LUZP2: variants seen among roughly 807,000 people sequenced by gnomAD.
The protein encoded by LUZP2 is leucine zipper protein 2.
In LUZP2, 52 loss-of-function variants were observed where a neutral mutation model predicts 51.6. That is an observed-to-expected ratio of 1.01 (90% confidence interval 0.81 to 1.27). The LOEUF is 1.27. LUZP2 is among the 50% of genes most tolerant of loss of function. LUZP2 has a pLI of 0.00. For synonymous variants in LUZP2, 154 were observed against 137.3 expected, an observed-to-expected ratio of 1.12 and a Z score of -0.85; for missense variants, 436 against 395.4, an observed-to-expected ratio of 1.10 and a Z score of -0.87.
intron 1 of LUZP2, among the ~76,000 whole-genome samples, chr11:24,672,407 T>C (rs1354149124): frequency 1.3e-5 from 2 of 152,194 alleles, no homozygotes; most frequent in Admixed American, 6.5e-5. Context: ...CAAGATAATT[T>C]ATATTTATTA....
At chr11:24,698,354 G>C (rs1234424985) in intron 1 of LUZP2, among the ~76,000 whole-genome samples, 1 of 152,152 alleles carries the variant, frequency 6.6e-6, no homozygotes, top group Non-Finnish European at 1.5e-5. Flanking sequence ...GAAAAGTGTT[G>C]CTAGGACCTT....
intron 5 of LUZP2, among the ~76,000 whole-genome samples, chr11:24,843,090 A>G (rs1851086104): frequency 6.6e-6 from 1 of 151,930 alleles, no homozygotes; most frequent in East Asian, 1.9e-4. Context: ...AAAATAAAAA[A>G]CAAGAGAATA....
chr11:24,895,319 T>C (rs1239571713), intron 5 of LUZP2, among the ~76,000 whole-genome samples: 1 of 152,056 alleles, frequency 6.6e-6, no homozygotes, highest in African/African-American at 2.4e-5. Flanking sequence ...AGTATATATA[T>C]ATAAAAAAAC....
At chr11:24,745,351 AG>A (rs1235609613) in intron 4 of LUZP2, among the ~76,000 whole-genome samples, 1 of 152,030 alleles carries the variant, frequency 6.6e-6, no homozygotes, top group Non-Finnish European at 1.5e-5. Flanking sequence ...CTCGTTTGTT[AG>A]GTCTATCGGT....
chr11:24,696,560 A>AT (rs1054309843), intron 1 of LUZP2, among the ~76,000 whole-genome samples: 102 of 152,010 alleles, frequency 6.7e-4, no homozygotes, highest in African/African-American at 2.3e-3. Flanking sequence ...ATACTCATCC[A>AT]TTTTTTCTAT....
At chr11:24,598,780 A>G (rs1381074393) in intron 1 of LUZP2, among the ~76,000 whole-genome samples, 1 of 152,186 alleles carries the variant, frequency 6.6e-6, no homozygotes, top group Non-Finnish European at 1.5e-5. Flanking sequence ...GCAAATGGAA[A>G]GGCTGCAGCT....
intron 9 of LUZP2, among the ~76,000 whole-genome samples, chr11:25,016,243 C>T (rs962177971): frequency 6.6e-6 from 1 of 151,876 alleles, no homozygotes; most frequent in African/African-American, 2.4e-5. Flanking sequence ...TTTTAATGCA[C>T]CTGCCATCCA....
At chr11:24,968,350 G>A (rs568888959) in intron 7 of LUZP2, among the ~76,000 whole-genome samples, 50 of 152,228 alleles carry the variant, frequency 3.3e-4, no homozygotes, top group African/African-American at 1.1e-3. Flanking sequence ...AAATAAAGGT[G>A]GTTGTGTTTT....
intron 9 of LUZP2, among the ~76,000 whole-genome samples, chr11:25,007,215 C>A (rs1411378089): frequency 6.6e-6 from 1 of 152,170 alleles, no homozygotes; most frequent in Non-Finnish European, 1.5e-5. Flanking sequence ...GACCCAGAAG[C>A]CCAGCCGGGT....
intron 1 of LUZP2, among the ~76,000 whole-genome samples, chr11:24,714,840 C>A (rs1480039710): frequency 6.6e-6 from 1 of 151,962 alleles, no homozygotes; most frequent in South Asian, 2.1e-4. Context: ...TGTGCACAGC[C>A]CTGATGAAGT....
chr11:24,951,099 A>G (rs2133863550), intron 7 of LUZP2, among the ~76,000 whole-genome samples: 1 of 151,658 alleles, frequency 6.6e-6, no homozygotes, highest in African/African-American at 2.4e-5. Flanking sequence ...GCCCTGAACA[A>G]CATAATAACT....
chr11:24,959,642 A>T (rs1464959393), intron 7 of LUZP2, among the ~76,000 whole-genome samples: 2 of 152,148 alleles, frequency 1.3e-5, no homozygotes, highest in Non-Finnish European at 2.9e-5. Flanking sequence ...CAACTTAAGG[A>T]GATTTTGGGC....
At chr11:24,837,334 T>C (rs1002622225) in intron 5 of LUZP2, among the ~76,000 whole-genome samples, 13 of 151,814 alleles carry the variant, frequency 8.6e-5, no homozygotes, top group African/African-American at 2.9e-4. Context: ...TCATGATGAA[T>C]AGGATGTTGT....
At chr11:24,647,252 C>T (rs961379445) in intron 1 of LUZP2, among the ~76,000 whole-genome samples, 1 of 151,836 alleles carries the variant, frequency 6.6e-6, no homozygotes, top group Non-Finnish European at 1.5e-5. Flanking sequence ...TTCAAAACAC[C>T]TTTCTGTATT....
At chr11:24,813,318 G>T (rs1284420213) in intron 5 of LUZP2, among the ~76,000 whole-genome samples, 1 of 152,118 alleles carries the variant, frequency 6.6e-6, no homozygotes, top group Non-Finnish European at 1.5e-5. Flanking sequence ...TTGCTGTAAA[G>T]AACTACCTGA....
chr11:24,801,568 A>G (rs1226151589), intron 5 of LUZP2, among the ~76,000 whole-genome samples: 1 of 151,924 alleles, frequency 6.6e-6, no homozygotes, highest in African/African-American at 2.4e-5. Context: ...TTAATGAAAA[A>G]GAGATCTAGG....
intron 1 of LUZP2, among the ~76,000 whole-genome samples, chr11:24,538,415 A>C (rs1470118856): frequency 4.0e-5 from 6 of 151,780 alleles, no homozygotes; most frequent in Non-Finnish European, 7.4e-5. Context: ...GTTTCTTAGG[A>C]CATAAAAAGC....
At chr11:24,980,673 A>G (rs1856003958) in intron 8 of LUZP2, among the ~76,000 whole-genome samples, 1 of 151,816 alleles carries the variant, frequency 6.6e-6, no homozygotes, top group Admixed American at 6.6e-5. Context: ...AATAAGATAT[A>G]AAGGTAGAAA....
chr11:24,917,274 T>C (rs2133806401), intron 7 of LUZP2, among the ~76,000 whole-genome samples: 1 of 152,316 alleles, frequency 6.6e-6, no homozygotes, highest in East Asian at 1.9e-4. Flanking sequence ...TTTCTCCCAT[T>C]CTGTAGGTTG....
Sources: gnomAD v4.1 joint callset for allele counts (sites outside exome capture counted in the v4.1 genomes callset) on GRCh38, gnomAD v4.1.1 for gene constraint, MANE v1.5 for transcripts, NCBI Gene and HGNC (gene_info 2026-07-23, HGNC 2026-07-21) for gene names.